ZFAND3: variants seen among roughly 807,000 people sequenced by gnomAD.
ZFAND3 encodes AN1-type zinc finger protein 3.
ZFAND3 carries 10 observed loss-of-function variants against 29.6 expected under a neutral mutation model. That is an observed-to-expected ratio of 0.34 (90% CI 0.21 to 0.57). The LOEUF (loss-of-function observed/expected upper bound fraction) is 0.57. ZFAND3 is among the 20% of genes least tolerant of loss of function. The pLI, the probability that ZFAND3 is intolerant of heterozygous loss-of-function variation, is 0.86. For missense variants in ZFAND3, 230 were observed against 304.5 expected, an observed-to-expected ratio of 0.76 and a Z score of 1.82; for synonymous variants, 128 against 112.6, an observed-to-expected ratio of 1.14 and a Z score of -0.87.
At chr6:38,101,138 CCT>C (rs1765084904) in intron 4 of ZFAND3, among the ~76,000 whole-genome samples, 1 of 152,136 alleles carries the variant, frequency 6.6e-6, no homozygotes, top group Non-Finnish European at 1.5e-5. Flanking sequence ...GATAGTTGCT[CCT>C]CTCATGTTTC....
chr6:37,967,356 G>A (rs2127426972), intron 2 of ZFAND3, among the ~76,000 whole-genome samples: 1 of 152,280 alleles, frequency 6.6e-6, no homozygotes, highest in South Asian at 2.1e-4. Context: ...AGTAGTTTCA[G>A]TAGTTTCTTG....
chr6:37,968,703 C>A (rs1481789027), intron 2 of ZFAND3, among the ~76,000 whole-genome samples: 2 of 152,166 alleles, frequency 1.3e-5, no homozygotes, highest in African/African-American at 4.8e-5. Context: ...CCCCTTCCCC[C>A]TTCCGCCTTC....
chr6:37,899,151 G>A (rs1410127327), intron 1 of ZFAND3, among the ~76,000 whole-genome samples: 2 of 151,982 alleles, frequency 1.3e-5, no homozygotes, highest in African/African-American at 2.4e-5. Context: ...CACCCGCCTC[G>A]GCCTCCCAAA....
At chr6:38,027,463 T>C (rs1561971347) in intron 2 of ZFAND3, among the ~76,000 whole-genome samples, 1 of 152,216 alleles carries the variant, frequency 6.6e-6, no homozygotes, top group African/African-American at 2.4e-5. Flanking sequence ...AACTTGCCTT[T>C]CTAAAGGCAT....
intron 2 of ZFAND3, among the ~76,000 whole-genome samples, chr6:38,047,975 T>TTTTTTG (rs1561979810): frequency 2.0e-5 from 3 of 148,630 alleles, no homozygotes; most frequent in African/African-American, 7.4e-5. Flanking sequence ...TTTTTTTTGT[T>TTTTTTG]TTTTTTTTTT....
At chr6:37,998,784 G>A (rs1762895438) in intron 2 of ZFAND3, among the ~76,000 whole-genome samples, 1 of 152,160 alleles carries the variant, frequency 6.6e-6, no homozygotes, top group Admixed American at 6.5e-5. Context: ...AAGAGTAAGG[G>A]GAAGAGGCTA....
chr6:38,129,145 A>G (rs1293336830), intron 5 of ZFAND3, among the ~76,000 whole-genome samples: 1 of 151,882 alleles, frequency 6.6e-6, no homozygotes, highest in African/African-American at 2.4e-5. Context: ...AGAATTTTCT[A>G]TTCATGTTCT....
chr6:38,102,105 T>TC (rs1191412671), intron 4 of ZFAND3, among the ~76,000 whole-genome samples: 1 of 152,152 alleles, frequency 6.6e-6, no homozygotes, highest in Non-Finnish European at 1.5e-5. Flanking sequence ...TTCCTCCTCC[T>TC]CTTCTTCCTC....
rs1389281742 is a variant in ZFAND3 at position 38,154,147 on chromosome 6, C to G, written c.*1758C>G. ...CAGGTCTGCCCAGCGTTTACCACTG[C>G]TGTCAAGCCACAGCCCTTGGCCACC... On this transcript the variant is annotated 3_prime_UTR_variant, in exon 6 of 6. Coordinates refer to ENST00000287218, the MANE Select transcript of ZFAND3 (RefSeq NM_021943.3). The G allele has an allele frequency of 2.0e-6, 2 of 985,474 alleles. No individual in the cohort carries two copies. The highest frequency in any genetic ancestry group is 3.5e-5 in the African/African-American group (2 of 57,254). The allele number at this position is 985,474 out of a possible 1,614,324, so 61.0% of individuals were successfully genotyped here.
chr6:37,820,705 A>G (rs761121834), intron 1 of ZFAND3, among the ~76,000 whole-genome samples: 1 of 152,262 alleles, frequency 6.6e-6, no homozygotes, highest in Non-Finnish European at 1.5e-5. Flanking sequence ...GGATTGGGGA[A>G]TATGAGATCC....
chr6:37,843,544 A>G lies in ZFAND3; in HGVS notation c.71+23528A>G, dbSNP rs143833374. 4.9e-4 allele frequency among the ~76,000 whole-genome samples: 75 copies of G among 152,210 alleles called. No individual in the cohort carries two copies. The East Asian group carries it at 0.012, about 25-fold the overall frequency. On this transcript the variant is annotated intron_variant, in intron 1 of 5. Coordinates refer to ENST00000287218, the MANE Select transcript of ZFAND3 (RefSeq NM_021943.3). ...TTGTTATACAGTTTTGTAAAATCCTATCTGTTTCTGTTTCTCTGAAGCTGA... is the reference window on the plus strand; with the variant it reads ...TTGTTATACAGTTTTGTAAAATCCTGTCTGTTTCTGTTTCTCTGAAGCTGA...
At chr6:38,110,733 C>T (rs943045228) in intron 4 of ZFAND3, among the ~76,000 whole-genome samples, 3 of 152,150 alleles carry the variant, frequency 2.0e-5, no homozygotes, top group Non-Finnish European at 4.4e-5. Context: ...AAGTAAGGGA[C>T]GGTGTGGGTG....
intron 4 of ZFAND3, among the ~76,000 whole-genome samples, chr6:38,109,428 C>T (rs763497067): frequency 2.0e-5 from 3 of 151,998 alleles, no homozygotes; most frequent in Non-Finnish European, 2.9e-5. Flanking sequence ...GTGATCTGCC[C>T]GCCTCAGCGT....
chr6:38,028,585 A>G (rs1011848481), intron 2 of ZFAND3, among the ~76,000 whole-genome samples: 3 of 152,196 alleles, frequency 2.0e-5, no homozygotes, highest in Admixed American at 6.5e-5. Context: ...GCTTGATTAG[A>G]TCCAGGGGTA....
Position 38,036,432 on chromosome 6 carries a change from T to C in ZFAND3, c.113-25161T>C, listed in dbSNP as rs139979815. The stretch of plus-strand genomic sequence containing the variant: ...ATAGAGGGTACATAACCAGACTTGG[T>C]TGTATTATCTAAAATGTCCAGTTTT... On this transcript the variant is annotated intron_variant, in intron 2 of 5. Transcript: ENST00000287218. Among the ~76,000 whole-genome samples the C allele has an allele frequency of 1.9e-3, 283 of 152,252 alleles. 2 individuals carry two copies. The highest frequency in any genetic ancestry group is 6.0e-3 in the African/African-American group (251 of 41,568).
At chr6:38,110,650 G>T (rs1765296636) in intron 4 of ZFAND3, among the ~76,000 whole-genome samples, 1 of 152,200 alleles carries the variant, frequency 6.6e-6, no homozygotes, top group Non-Finnish European at 1.5e-5. Flanking sequence ...AGACTGATAG[G>T]TTCTAAAAAA....
chr6:38,125,216 C>T (rs919431879), intron 5 of ZFAND3, among the ~76,000 whole-genome samples: 61 of 152,308 alleles, frequency 4.0e-4, no homozygotes, highest in African/African-American at 1.3e-3. Context: ...TCTGTATTCC[C>T]CATTTAATCT....
chr6:37,842,492 C>T (rs1320423751), intron 1 of ZFAND3, among the ~76,000 whole-genome samples: 3 of 152,078 alleles, frequency 2.0e-5, no homozygotes, highest in Admixed American at 6.6e-5. Context: ...TAAGTTTGTT[C>T]ATCTTTATTA....
At chr6:38,064,636 C>G (rs1020761407) in intron 3 of ZFAND3, among the ~76,000 whole-genome samples, 1 of 149,956 alleles carries the variant, frequency 6.7e-6, no homozygotes, top group Non-Finnish European at 1.5e-5. Context: ...GAGTTACTTG[C>G]CAGTTTAGGC....
Sources: gnomAD v4.1 joint callset for allele counts (sites outside exome capture counted in the v4.1 genomes callset) on GRCh38, gnomAD v4.1.1 for gene constraint, MANE v1.5 for transcripts, NCBI Gene and HGNC (gene_info 2026-07-23, HGNC 2026-07-21) for gene names.